EYS: variants seen among roughly 807,000 people sequenced by gnomAD.
EYS encodes protein eyes shut homolog.
A neutral mutation model predicts 282.1 loss-of-function variants in EYS; 250 were observed. The observed-to-expected ratio is 0.89, with a 90% CI of 0.80 to 0.98. The LOEUF is 0.98. EYS is among the 50% of genes least tolerant of loss of function. The pLI is 0.00. For synonymous variants in EYS, 1,355 were observed against 1,282.9 expected (o/e 1.06, Z -1.20); for missense variants, 4,016 against 3,709.0 (o/e 1.08, Z -2.15).
intron 35 of EYS, among the ~76,000 whole-genome samples, chr6:63,983,826 A>G (rs574387429): frequency 2.6e-4 from 39 of 151,922 alleles, no homozygotes; most frequent in African/African-American, 9.2e-4. Flanking sequence ...TAAGTGGAGC[A>G]GAAAGTAATT....
intron 9 of EYS, among the ~76,000 whole-genome samples, chr6:65,346,589 T>A (rs923034294): frequency 6.6e-6 from 1 of 151,464 alleles, no homozygotes; most frequent in Non-Finnish European, 1.5e-5. Flanking sequence ...AAAGAAATTA[T>A]GAGAAAACGA....
chr6:63,827,866 A>ATAAAAAT (rs764697654), intron 36 of EYS, among the ~76,000 whole-genome samples: 16,182 of 148,422 alleles, frequency 0.11, 1,139 homozygotes, highest in African/African-American at 0.18. Flanking sequence ...AAAAAAAAAA[A>ATAAAAAT]AAAAAGAAAT....
chr6:65,213,941 A>G (rs1161602523), intron 12 of EYS, among the ~76,000 whole-genome samples: 1 of 151,886 alleles, frequency 6.6e-6, no homozygotes, highest in East Asian at 1.9e-4. Flanking sequence ...CAGGCAGATG[A>G]CGAGGTCAGG....
chr6:65,410,466 T>C (rs1766940876), intron 5 of EYS, among the ~76,000 whole-genome samples: 1 of 152,000 alleles, frequency 6.6e-6, no homozygotes, highest in African/African-American at 2.4e-5. Flanking sequence ...AGTCACTCTG[T>C]GCAATCAAAC....
At chr6:65,690,509 C>T (rs1434548830) in intron 1 of EYS, among the ~76,000 whole-genome samples, 1 of 150,096 alleles carries the variant, frequency 6.7e-6, no homozygotes, top group Non-Finnish European at 1.5e-5. Context: ...CCTGACTGCA[C>T]GTCCATTCAT....
chr6:64,953,057 A>G (rs1324550309), intron 14 of EYS, among the ~76,000 whole-genome samples: 1 of 151,962 alleles, frequency 6.6e-6, no homozygotes, highest in Non-Finnish European at 1.5e-5. Context: ...GACTTTTTTA[A>G]AAGAATTCAT....
At chr6:65,314,590 G>A (rs1367667395) in intron 11 of EYS, among the ~76,000 whole-genome samples, 1 of 147,638 alleles carries the variant, frequency 6.8e-6, no homozygotes, top group Non-Finnish European at 1.5e-5. Flanking sequence ...GTGTGTGTGT[G>A]TGTGTGTGTG....
rs562313128 is a variant in EYS, at chr6:63,904,409, G to A, written c.7056-40051C>T. 4.9e-4 allele frequency among the ~76,000 whole-genome samples: 74 copies of A among 151,984 alleles called. 1 individual carries two copies. The highest frequency in any genetic ancestry group is 1.6e-3 in the African/African-American group (67 of 41,404). On this transcript the variant is annotated intron_variant, in intron 35 of 42. Coordinates refer to ENST00000503581, the MANE Select transcript of EYS (RefSeq NM_001142800.2). ...ATGATATAGCAATGTATCCATGCCC[G>A]ATAGCTCCCAAGATTAGCAGTTTAA... is the stretch of plus-strand genomic sequence containing the variant.
intron 35 of EYS, among the ~76,000 whole-genome samples, chr6:63,885,190 A>G (rs1334104892): frequency 6.6e-6 from 1 of 152,186 alleles, no homozygotes; most frequent in Non-Finnish European, 1.5e-5. Flanking sequence ...ATGAAGCACC[A>G]AACATATAGG....
At chr6:64,928,242 G>T (rs758471234) in intron 15 of EYS, among the ~76,000 whole-genome samples, 2 of 151,780 alleles carry the variant, frequency 1.3e-5, no homozygotes, top group African/African-American at 2.4e-5. Flanking sequence ...AAAAATGCAG[G>T]ACCTTAATTA....
intron 26 of EYS, among the ~76,000 whole-genome samples, chr6:64,488,740 G>C (rs1182782873): frequency 6.6e-6 from 1 of 151,008 alleles, no homozygotes; most frequent in Non-Finnish European, 1.5e-5. Context: ...GAGGCAACAT[G>C]TAGATAGCAT....
At chr6:63,960,672 G>A (rs1289108134) in intron 35 of EYS, among the ~76,000 whole-genome samples, 1 of 152,062 alleles carries the variant, frequency 6.6e-6, no homozygotes, top group Non-Finnish European at 1.5e-5. Flanking sequence ...AGTCAGCAGT[G>A]ATCAATATCA....
At chr6:65,497,519 A>G (rs1282531922) in intron 2 of EYS, among the ~76,000 whole-genome samples, 1 of 152,004 alleles carries the variant, frequency 6.6e-6, no homozygotes, top group African/African-American at 2.4e-5. Context: ...CTTTCTCATC[A>G]AAGAGGGAAA....
intron 12 of EYS, among the ~76,000 whole-genome samples, chr6:65,240,297 G>T (rs1767026180): frequency 6.6e-6 from 1 of 151,920 alleles, no homozygotes; most frequent in African/African-American, 2.4e-5. Context: ...TTTTATTTTA[G>T]GTTCAGGGGG....
intron 26 of EYS, among the ~76,000 whole-genome samples, chr6:64,575,582 T>C (rs555069344): frequency 6.6e-6 from 1 of 152,158 alleles, no homozygotes; most frequent in South Asian, 2.1e-4. Flanking sequence ...AGAGAAGCAT[T>C]GGAAGCCCCT....
chr6:64,718,556 T>C (rs1380786878), intron 22 of EYS, among the ~76,000 whole-genome samples: 3 of 152,212 alleles, frequency 2.0e-5, no homozygotes, highest in African/African-American at 7.2e-5. Flanking sequence ...TGTTGAATGT[T>C]ATACACTTCA....
At chr6:64,400,850 T>C (rs1020518039) in intron 28 of EYS, among the ~76,000 whole-genome samples, 6 of 152,122 alleles carry the variant, frequency 3.9e-5, no homozygotes, top group Non-Finnish European at 1.5e-5. Flanking sequence ...CCTTTAATTG[T>C]TCTTCCAAAC....
intron 14 of EYS, among the ~76,000 whole-genome samples, chr6:64,979,123 T>A (rs1770570393): frequency 6.6e-6 from 1 of 151,686 alleles, no homozygotes; most frequent in East Asian, 1.9e-4. Context: ...ATAAGATAAA[T>A]CTTTTGTGAA....
At chr6:64,814,818 C>T (rs1186041501) in intron 21 of EYS, among the ~76,000 whole-genome samples, 6 of 151,956 alleles carry the variant, frequency 3.9e-5, no homozygotes, top group Admixed American at 6.6e-5. Context: ...TGAGTTCTTA[C>T]ATTCTCAAGG....
Sources: allele counts gnomAD v4.1 joint callset (sites outside exome capture counted in the v4.1 genomes callset), GRCh38; gene constraint gnomAD v4.1.1; transcripts MANE v1.5; gene names NCBI Gene and HGNC (gene_info 2026-07-23, HGNC 2026-07-21).